The following LAMB3 variants were observed in gnomAD, a reference collection of about 807,000 sequenced individuals.
The protein encoded by LAMB3 is laminin subunit beta-3.
LAMB3 carries 104 observed loss-of-function variants against 140.3 expected under a neutral mutation model. That is an observed-to-expected ratio of 0.74 (90% CI 0.63 to 0.87). The LOEUF is 0.87. LAMB3 is among the 40% of genes least tolerant of loss of function. The pLI, the probability that LAMB3 is intolerant of heterozygous loss-of-function variation, is 0.00. For missense variants in LAMB3, 1,531 were observed against 1,575.2 expected (o/e 0.97, Z 0.47); for synonymous variants, 592 against 602.9 (o/e 0.98, Z 0.26).
Position 209,617,986 on chromosome 1 carries a change from G to A in LAMB3, c.2972C>T (p.Thr991Ile). The change falls in exon 20 of 23, where the codon ACA becomes ATA. Residue 991 changes from threonine (T) to isoleucine (I), a missense_variant. By Grantham distance (89) the Thr-to-Ile change is moderately conservative. Transcript: ENST00000356082. ...GTCCTGAGCTTCCTGCAGTGCCACT[G>A]TCCCCTGCCGCAGGTTCCCAACCAC... ...EDVVGNLRQG[T>I]VALQEAQDTM... 1 of 1,614,160 alleles carries A rather than the reference G, an allele frequency of 6.2e-7. No individual in the cohort carries two copies. The highest frequency in any genetic ancestry group is 8.5e-7 in the Non-Finnish European group (1 of 1,180,012).
chr1:209,646,679 G>A (rs1399514690), intron 3 of LAMB3, among the ~76,000 whole-genome samples: 1 of 152,236 alleles, frequency 6.6e-6, no homozygotes, highest in East Asian at 1.9e-4. Flanking sequence ...ATGCTCAGGA[G>A]TGTGATTTGC....
chr1:209,633,029 C>T (rs1187661406), intron 7 of LAMB3, 41 bp downstream of exon 7: 29 of 1,452,050 alleles, frequency 2.0e-5, no homozygotes, highest in African/African-American at 4.2e-5. Flanking sequence ...GTTTCCTTTC[C>T]CACCCATAGT....
At chr1:209,624,572 C>T (rs750711382) in intron 14 of LAMB3, among the ~76,000 whole-genome samples, 7 of 152,222 alleles carry the variant, frequency 4.6e-5, no homozygotes, top group Non-Finnish European at 8.8e-5. Flanking sequence ...TCTCCACCTC[C>T]AGGCTTTGAT....
At chr1:209,630,575 A>C in intron 9 of LAMB3, 40 bp downstream of exon 9, 1 of 1,613,458 alleles carries the variant, frequency 6.2e-7, no homozygotes, top group Non-Finnish European at 8.5e-7. Flanking sequence ...CCAGCACTCG[A>C]CCCAGACCCT....
In LAMB3 at chr1:209,644,330, T is replaced by C. The variant is rs151143881; in HGVS notation, c.183+5634A>G. Among the ~76,000 whole-genome samples the C allele has an allele frequency of 4.7e-3, 721 of 152,326 alleles. 5 individuals carry two copies. Among genetic ancestry groups the C allele is most frequent in the African/African-American group, 0.016 (668 of 41,572 alleles). Reference sequence around the variant, plus strand: ...TCCTAACTAAATTCAGAAATCACTCTCTGAAGCTGATTATAGAGATGATAT... The same window carrying C: ...TCCTAACTAAATTCAGAAATCACTCCCTGAAGCTGATTATAGAGATGATAT... On this transcript the variant is annotated intron_variant, in intron 3 of 22. Transcript: ENST00000356082.
chr1:209,618,515 A>G lies in LAMB3; in HGVS notation c.2846T>C (p.Leu949Pro). Residue 949 changes from leucine (L) to proline (P), a missense_variant, in exon 19 of 23, where the codon CTG becomes CCG. Physicochemically the swap from Leu to Pro is moderately conservative, Grantham distance 98. Coordinates refer to ENST00000356082, the MANE Select transcript of LAMB3 (RefSeq NM_000228.3). ...AARLPNVDLVLSQTKQDIARA... is the reference protein window; with the variant it reads ...AARLPNVDLVPSQTKQDIARA... ...CGCAATGTCCTGCTTGGTCTGGGAC[A>G]GCACCAAGTCCACGTTGGGGAGCCT... 1 of 1,614,260 alleles carries G rather than the reference A, an allele frequency of 6.2e-7. No homozygotes were observed. The highest frequency in any genetic ancestry group is 8.5e-7 in the Non-Finnish European group (1 of 1,180,048).
chr1:209,623,040 C>A lies in LAMB3; in HGVS notation c.2498G>T (p.Gly833Val). Residue 833 changes from glycine to valine, a missense_variant, in exon 17 of 23, where the codon GGG becomes GTG. Physicochemically the swap from Gly to Val is moderately radical, Grantham distance 109. Transcript: ENST00000356082. This position sits in a 1 kb window ranked among gnomAD's most constrained non-coding sequence, Gnocchi z 4.2. Reference protein sequence around the residue: ...PRAGGAFLMAGQVAEQLRGFN... With the variant: ...PRAGGAFLMAVQVAEQLRGFN... Reference sequence around the variant, plus strand: ...GCCCCGCAGCTGCTCAGCCACCTGCCCCGCCATCAAGAAGGCCCCACCGGC... The same window carrying A: ...GCCCCGCAGCTGCTCAGCCACCTGCACCGCCATCAAGAAGGCCCCACCGGC... The A allele has an allele frequency of 6.2e-7, 1 of 1,614,004 alleles. No individual in the cohort carries two copies. Among genetic ancestry groups the A allele is most frequent in the Non-Finnish European group, 8.5e-7 (1 of 1,180,016 alleles).
chr1:209,622,322 G>A (rs1427863538), intron 18 of LAMB3, among the ~76,000 whole-genome samples: 5 of 152,228 alleles, frequency 3.3e-5, no homozygotes, highest in Admixed American at 3.3e-4. Context: ...CAGCTGTTGT[G>A]TTGAGAATGA....
chr1:209,618,499 CT>C lies in LAMB3; in HGVS notation c.2861del (p.Gln954ArgfsTer76), dbSNP rs765803663. Reference protein sequence around the residue: ...NVDLVLSQTKQDIARARRLQA... With the variant: ...NVDLVLSQTKXDIARARRLQA... The stretch of plus-strand genomic sequence containing the variant: ...GCAACCGGCGGGCACGCGCAATGTC[CT>C]GCTTGGTCTGGGACAGCACCAAGTC... On this transcript the variant is annotated frameshift_variant, in exon 19 of 23. Transcript: ENST00000356082. LOFTEE classifies it high-confidence loss of function. The C allele has an allele frequency of 5.0e-6, 8 of 1,614,254 alleles. No individual in the cohort carries two copies. Among genetic ancestry groups the C allele is most frequent in the Non-Finnish European group, 5.9e-6 (7 of 1,180,050 alleles).
chr1:209,622,787 A>T, intron 17 of LAMB3, 107 bp from the exon 18 acceptor site: 2 of 1,483,760 alleles, frequency 1.3e-6, no homozygotes, highest in Non-Finnish European at 1.9e-6. Context: ...CCTAGGAAGC[A>T]TTTGTAACCA....
At chr1:209,638,821 T>C (rs1310105770) in intron 3 of LAMB3, among the ~76,000 whole-genome samples, 173 bp from the exon 4 acceptor site, 3 of 152,198 alleles carry the variant, frequency 2.0e-5, no homozygotes, top group African/African-American at 4.8e-5. Context: ...TGATCACCTT[T>C]TAATTGGTCA....
At chr1:209,624,418 G>A (rs1402169611) in intron 14 of LAMB3, among the ~76,000 whole-genome samples, 1 of 152,274 alleles carries the variant, frequency 6.6e-6, no homozygotes, top group East Asian at 1.9e-4. Context: ...TCCCATCACT[G>A]CTGCCAGCTG....
chr1:209,639,784 T>G (rs1256101203), intron 3 of LAMB3, among the ~76,000 whole-genome samples: 1 of 152,026 alleles, frequency 6.6e-6, no homozygotes, highest in African/African-American at 2.4e-5. Context: ...TAAACCATAC[T>G]GTCCAGAGGG....
chr1:209,650,005 C>T lies in LAMB3; in HGVS notation c.142G>A (p.Gly48Arg). 6.2e-7 allele frequency: 1 copy of T among 1,614,156 alleles called. No individual in the cohort carries two copies. The highest frequency in any genetic ancestry group is 8.5e-7 in the Non-Finnish European group (1 of 1,180,020). ...TRFLRASSTC[G>R]LTKPETYCTQ... ...CAGTAGGTCTCAGGCTTGGTCAGTC[C>T]ACAGGTAGATGAAGCTCGGAGAAAC... The change falls in exon 3 of 23, where the codon GGA becomes AGA. Residue 48 changes from glycine to arginine, a missense_variant. Gly to Arg is a moderately radical substitution (Grantham distance 125, BLOSUM62 -2). Coordinates refer to ENST00000356082, the MANE Select transcript of LAMB3 (RefSeq NM_000228.3).
At chr1:209,645,566 A>C (rs897234282) in intron 3 of LAMB3, among the ~76,000 whole-genome samples, 13 of 152,014 alleles carry the variant, frequency 8.6e-5, no homozygotes, top group Non-Finnish European at 2.9e-5. Context: ...AAATACAAAA[A>C]TCAACTGGGC....
chr1:209,637,806 G>T (rs1666940429), intron 5 of LAMB3, 102 bp downstream of exon 5: 6 of 947,508 alleles, frequency 6.3e-6, no homozygotes, highest in Non-Finnish European at 5.0e-6. Flanking sequence ...GGTGAGTGTT[G>T]CCCCAACCCA....
chr1:209,624,008 G>A lies in LAMB3; in HGVS notation c.1977-8C>T. 5.6e-6 allele frequency: 9 copies of A among 1,611,382 alleles called. No individual in the cohort carries two copies. Among genetic ancestry groups the A allele is most frequent in the Non-Finnish European group, 7.6e-6 (9 of 1,179,750 alleles). On this transcript the variant is annotated splice_polypyrimidine_tract_variant and splice_region_variant and intron_variant, in intron 14 of 22. Coordinates refer to ENST00000356082, the MANE Select transcript of LAMB3 (RefSeq NM_000228.3). ...AGGCCCTGGAGAGTTCGCCTGAGAA[G>A]GGAGAGGAGCTTACACTAAAATATA...
Position 209,623,734 on chromosome 1 carries a change from A to G in LAMB3, c.2138-9T>C. Reference sequence around the variant, plus strand: ...CAGCATCCGGAAGGCTCCTGTGGCGAGAAGCATGAGGAATGGAGATGGAGG... The same window carrying G: ...CAGCATCCGGAAGGCTCCTGTGGCGGGAAGCATGAGGAATGGAGATGGAGG... On this transcript the variant is annotated splice_polypyrimidine_tract_variant and intron_variant, in intron 15 of 22. Transcript: ENST00000356082. The surrounding 1 kb of genome is among the most constrained non-coding windows in gnomAD (Gnocchi z 4.2). 1 of 1,613,910 alleles carries G rather than the reference A, an allele frequency of 6.2e-7. No homozygotes were observed. Among genetic ancestry groups the G allele is most frequent in the South Asian group, 1.1e-5 (1 of 91,078 alleles).
In LAMB3 at chr1:209,625,975, G is replaced by A. The variant is rs1558153855; in HGVS notation, c.1649C>T (p.Ser550Leu). Reference protein sequence around the residue: ...GTEGPGCDKASGRCLCRPGLT... With the variant: ...GTEGPGCDKALGRCLCRPGLT... The stretch of plus-strand genomic sequence containing the variant: ...GCCAGGGCGGCAGAGGCAGCGGCCT[G>A]ATGCCTTGTCGCAGCCCGGGCCCTC... The change falls in exon 14 of 23, where the codon TCA becomes TTA. Residue 550 changes from serine to leucine, a missense_variant. Coordinates refer to ENST00000356082, the MANE Select transcript of LAMB3 (RefSeq NM_000228.3). 2 of 1,613,668 alleles carry A rather than the reference G, an allele frequency of 1.2e-6. No individual in the cohort carries two copies. Among genetic ancestry groups the A allele is most frequent in the Non-Finnish European group, 1.7e-6 (2 of 1,179,786 alleles).
Sources: gnomAD v4.1 joint callset for allele counts (sites outside exome capture counted in the v4.1 genomes callset) on GRCh38, gnomAD v4.1.1 for gene constraint, Gnocchi (gnomAD v3.1) non-coding constraint, MANE v1.5 for transcripts, NCBI Gene and HGNC (gene_info 2026-07-23, HGNC 2026-07-21) for gene names.